The following COL4A2 variants were observed in gnomAD, a reference collection of about 807,000 sequenced individuals.
The protein encoded by COL4A2 is collagen type IV alpha 2 chain, also known as collagen alpha-2(IV) chain.
COL4A2 carries 99 observed loss-of-function variants against 200.2 expected under a neutral mutation model. The observed-to-expected ratio is 0.49, with a 90% CI of 0.42 to 0.58. The LOEUF is 0.58. Among genes scored for constraint, COL4A2 ranks in the 20% least tolerant of loss-of-function variants. The pLI, the probability that COL4A2 is intolerant of heterozygous loss-of-function variation, is 0.00. For missense variants in COL4A2, 1,950 were observed against 2,314.1 expected, an observed-to-expected ratio of 0.84 and a Z score of 3.23; for synonymous variants, 897 against 900.6, an observed-to-expected ratio of 1.00 and a Z score of 0.07.
At chr13:110,385,002 C>T (rs1011721945) in intron 4 of COL4A2, among the ~76,000 whole-genome samples, 3 of 152,190 alleles carry the variant, frequency 2.0e-5, no homozygotes, top group Admixed American at 6.5e-5. Context: ...CGGTGGCTCA[C>T]GCCTGTAATC....
chr13:110,310,742 G>A (rs928049086), intron 3 of COL4A2, among the ~76,000 whole-genome samples: 2 of 152,140 alleles, frequency 1.3e-5, no homozygotes, highest in African/African-American at 2.4e-5. Context: ...GTTTTGTTTC[G>A]GAAGCAGCTA....
In COL4A2 at chr13:110,396,459, G is replaced by T. The variant is rs1358367632; in HGVS notation, c.181-28275G>T. On this transcript the variant is annotated intron_variant, in intron 4 of 47. Coordinates refer to ENST00000360467, the MANE Select transcript of COL4A2 (RefSeq NM_001846.4). Reference sequence around the variant, plus strand: ...CGTGTTTTTCTTGAGTAGCCCTCTGGGTTGAATCACCCTGGACTTCAGCTG... The same window carrying T: ...CGTGTTTTTCTTGAGTAGCCCTCTGTGTTGAATCACCCTGGACTTCAGCTG... Among the ~76,000 whole-genome samples, 11 of 152,192 alleles carry T rather than the reference G, an allele frequency of 7.2e-5. No homozygotes were observed. The South Asian group carries it at 1.9e-3, about 26-fold the overall frequency.
chr13:110,440,584 G>T (rs1881082316), intron 16 of COL4A2, among the ~76,000 whole-genome samples: 1 of 152,072 alleles, frequency 6.6e-6, no homozygotes, highest in Non-Finnish European at 1.5e-5. Context: ...CAACAAGAGT[G>T]AAACTCCATC....
intron 28 of COL4A2, among the ~76,000 whole-genome samples, chr13:110,470,157 C>A (rs984830589): frequency 6.6e-6 from 1 of 152,134 alleles, no homozygotes; most frequent in African/African-American, 2.4e-5. Flanking sequence ...ATTAGGTGAT[C>A]TGCCCGCCTC....
chr13:110,475,511 C>G (rs1007476005), intron 29 of COL4A2, among the ~76,000 whole-genome samples: 2 of 152,200 alleles, frequency 1.3e-5, no homozygotes, highest in Non-Finnish European at 2.9e-5. Flanking sequence ...AGCATGAAAA[C>G]AAATGGAAGC....
chr13:110,462,258 A>C lies in COL4A2; in HGVS notation c.1670-20A>C. On this transcript the variant is annotated intron_variant, in intron 23 of 47. Coordinates refer to ENST00000360467, the MANE Select transcript of COL4A2 (RefSeq NM_001846.4). Reference sequence around the variant, plus strand: ...TGTGGGCACCTGCCTGGGCAGCTTCACATGCAAATCCCTTTCTAGGTGAGC... The same window carrying C: ...TGTGGGCACCTGCCTGGGCAGCTTCCCATGCAAATCCCTTTCTAGGTGAGC... 1 of 1,614,186 alleles carries C rather than the reference A, an allele frequency of 6.2e-7. No individual in the cohort carries two copies. The highest frequency in any genetic ancestry group is 2.2e-5 in the East Asian group (1 of 44,884).
intron 4 of COL4A2, among the ~76,000 whole-genome samples, chr13:110,372,312 T>G (rs1298679454): frequency 6.6e-6 from 1 of 152,144 alleles, no homozygotes; most frequent in Non-Finnish European, 1.5e-5. Flanking sequence ...AAGAAAATAA[T>G]AATGTTTCCG....
intron 6 of COL4A2, among the ~76,000 whole-genome samples, chr13:110,426,901 A>C (rs902458653): frequency 6.7e-6 from 1 of 149,696 alleles, no homozygotes; most frequent in African/African-American, 2.4e-5. Context: ...TTGAAAGGCC[A>C]CTAGAGTGCC....
In COL4A2 at chr13:110,489,789, C is replaced by T. The variant is rs774375279; in HGVS notation, c.3346+4C>T. 13 of 1,604,126 alleles carry T rather than the reference C, an allele frequency of 8.1e-6. No individual in the cohort carries two copies. The highest frequency in any genetic ancestry group is 3.4e-5 in the Admixed American group (2 of 57,974). ...CGGGGCACCACTGGAATACCAGGTACGCAAGTTATTTTCCTTGTCTTCATC... is the reference window on the plus strand; with the variant it reads ...CGGGGCACCACTGGAATACCAGGTATGCAAGTTATTTTCCTTGTCTTCATC... On this transcript the variant is annotated splice_donor_region_variant and intron_variant, in intron 36 of 47. Transcript: ENST00000360467.
At position 110,450,440 on chromosome 13, in the gene COL4A2, C is replaced by A. The variant is rs753599916; in HGVS notation, c.1325C>A (p.Pro442Gln). Residue 442 changes from proline (P) to glutamine (Q), a missense_variant, in exon 20 of 48, where the codon CCA becomes CAA. By Grantham distance (76) the Pro-to-Gln change is moderately conservative. Around this residue, in one of 2 missense-constraint regions of COL4A2, gnomAD observed 565 missense variants for 593.5 expected, o/e 0.95. Transcript: ENST00000360467. ...GPPGPPGLPG[P>Q]PGPDGFLFGL... is the part of the protein sequence containing the mutation. ...CCAGGACCCCCCGGGCTCCCTGGAC[C>A]ACCTGGACCTGATGGTGAGTGGAGG... 20 of 1,613,740 alleles carry A rather than the reference C, an allele frequency of 1.2e-5. No homozygotes were observed. The highest frequency in any genetic ancestry group is 1.7e-6 in the Non-Finnish European group (2 of 1,179,960).
chr13:110,399,385 A>C (rs1440803015), intron 4 of COL4A2, among the ~76,000 whole-genome samples: 1 of 152,220 alleles, frequency 6.6e-6, no homozygotes, highest in Non-Finnish European at 1.5e-5. Flanking sequence ...TCATGCTGGC[A>C]TGTGGGGCAT....
chr13:110,490,100 C>T (rs1185584394), intron 36 of COL4A2, among the ~76,000 whole-genome samples: 5 of 152,172 alleles, frequency 3.3e-5, no homozygotes, highest in African/African-American at 7.2e-5. Context: ...CCCTGACTCC[C>T]GGAACACCTG....
intron 3 of COL4A2, among the ~76,000 whole-genome samples, chr13:110,310,205 C>T (rs1266646273): frequency 6.6e-6 from 1 of 152,186 alleles, no homozygotes; most frequent in South Asian, 2.1e-4. Flanking sequence ...CTTTGGATGG[C>T]ACCAAGAACA....
chr13:110,311,498 T>G (rs1884981910), intron 3 of COL4A2, among the ~76,000 whole-genome samples: 2 of 152,136 alleles, frequency 1.3e-5, no homozygotes, highest in African/African-American at 4.8e-5. Flanking sequence ...CTCTGCGTCC[T>G]AGTTCTCCTC....
intron 40 of COL4A2, among the ~76,000 whole-genome samples, chr13:110,501,007 C>T (rs1011791951): frequency 6.6e-6 from 1 of 152,178 alleles, no homozygotes; most frequent in African/African-American, 2.4e-5. Context: ...CACGTGTGTA[C>T]AGTATGAGCT....
At chr13:110,428,093 C>G (rs868624194) in intron 6 of COL4A2, among the ~76,000 whole-genome samples, 6 of 152,160 alleles carry the variant, frequency 3.9e-5, no homozygotes, top group South Asian at 2.1e-4. Flanking sequence ...GGATAAGGAC[C>G]TTCCTGTTAT....
At chr13:110,356,020 ACT>A (rs200277905) in intron 3 of COL4A2, among the ~76,000 whole-genome samples, 1,864 of 152,230 alleles carry the variant, frequency 0.012, 12 homozygotes, top group African/African-American at 0.02. Flanking sequence ...AAAGAGGGTC[ACT>A]CTGATTGCCA....
chr13:110,325,676 G>A (rs1041347830), intron 3 of COL4A2, among the ~76,000 whole-genome samples: 2 of 152,172 alleles, frequency 1.3e-5, no homozygotes, highest in Non-Finnish European at 2.9e-5. Flanking sequence ...TGCTTACCCC[G>A]GTAGGTGCTG....
chr13:110,378,045 G>T (rs1428662821), intron 4 of COL4A2, among the ~76,000 whole-genome samples: 3 of 152,130 alleles, frequency 2.0e-5, no homozygotes, highest in African/African-American at 7.2e-5. Flanking sequence ...TTAAAACCAC[G>T]GTCACATTTT....
Sources: gnomAD v4.1 joint callset for allele counts (sites outside exome capture counted in the v4.1 genomes callset) on GRCh38, gnomAD v4.1.1 for gene constraint, gnomAD v4.1.1 regional missense constraint, MANE v1.5 for transcripts, NCBI Gene and HGNC (gene_info 2026-07-23, HGNC 2026-07-21) for gene names.